Variants in HACD2 observed in about 807,000 individuals in gnomAD.
HACD2 encodes the protein very-long-chain (3R)-3-hydroxyacyl-CoA dehydratase 2.
A neutral mutation model predicts 31.0 loss-of-function variants in HACD2; 15 were observed. The observed-to-expected ratio is 0.48, with a 90% confidence interval of 0.32 to 0.75. The LOEUF (loss-of-function observed/expected upper bound fraction) is 0.75, where lower values mean the gene tolerates loss of function less well. HACD2 is among the 30% of genes least tolerant of loss of function. HACD2 has a pLI of 0.03. For missense variants in HACD2, 283 were observed against 313.0 expected, an observed-to-expected ratio of 0.90 and a Z score of 0.72; for synonymous variants, 115 against 122.2, an observed-to-expected ratio of 0.94 and a Z score of 0.39.
chr3:123,516,980 C>T (rs1436964838), intron 4 of HACD2, among the ~76,000 whole-genome samples: 1 of 152,228 alleles, frequency 6.6e-6, no homozygotes, highest in East Asian at 1.9e-4. Flanking sequence ...GTTACTTATC[C>T]TCTCTGATCC....
intron 4 of HACD2, among the ~76,000 whole-genome samples, chr3:123,515,753 T>C (rs2056126545): frequency 6.6e-6 from 1 of 151,968 alleles, no homozygotes; most frequent in Non-Finnish European, 1.5e-5. Flanking sequence ...ATGAGTATGT[T>C]GGGGTTTTTT....
At chr3:123,516,168 A>C (rs1284344010) in intron 4 of HACD2, among the ~76,000 whole-genome samples, 1 of 152,104 alleles carries the variant, frequency 6.6e-6, no homozygotes, top group Admixed American at 6.6e-5. Context: ...CTATTTTATG[A>C]AAAATGTGAG....
At chr3:123,535,875 T>G (rs2056419753) in intron 3 of HACD2, among the ~76,000 whole-genome samples, 1 of 152,192 alleles carries the variant, frequency 6.6e-6, no homozygotes, top group African/African-American at 2.4e-5. Flanking sequence ...TCATGTTGCT[T>G]AAGATTCAAG....
chr3:123,526,547 C>A (rs1333509530), intron 4 of HACD2, among the ~76,000 whole-genome samples: 3 of 147,548 alleles, frequency 2.0e-5, no homozygotes, highest in Admixed American at 2.0e-4. Context: ...TTTTTTTTGG[C>A]AGGTAAAGAA....
intron 3 of HACD2, among the ~76,000 whole-genome samples, chr3:123,552,771 G>A (rs2056633169): frequency 6.6e-6 from 1 of 151,882 alleles, no homozygotes; most frequent in Admixed American, 6.6e-5. Context: ...ACAAAAAATT[G>A]ATTAAATTCA....
At chr3:123,557,097 C>T (rs2056680501) in intron 3 of HACD2, among the ~76,000 whole-genome samples, 1 of 152,174 alleles carries the variant, frequency 6.6e-6, no homozygotes, top group African/African-American at 2.4e-5. Context: ...ACAGGGGTCC[C>T]CAGTCCCTGG....
intron 3 of HACD2, chr3:123,543,628 A>T: frequency 2.6e-6 from 1 of 391,476 alleles, no homozygotes; most frequent in South Asian, 1.9e-5. Flanking sequence ...ACTATAAAGG[A>T]TCACATAACA....
chr3:123,511,578 G>T (rs1006644105), intron 4 of HACD2, among the ~76,000 whole-genome samples: 1 of 152,072 alleles, frequency 6.6e-6, no homozygotes, highest in Non-Finnish European at 1.5e-5. Flanking sequence ...AGTAGAAGAG[G>T]TTCACCAAGA....
chr3:123,573,706 T>C (rs989117472), intron 2 of HACD2, among the ~76,000 whole-genome samples: 1 of 152,140 alleles, frequency 6.6e-6, no homozygotes, highest in Non-Finnish European at 1.5e-5. Context: ...GTTCAGAACA[T>C]AAACAAGCAA....
rs116678296 is a variant in HACD2 at position 123,493,822 on chromosome 3, T to G, written c.*1066A>C. 6.6e-6 allele frequency: 1 copy of G among 152,252 alleles called. No individual in the cohort carries two copies. Among genetic ancestry groups the G allele is most frequent in the African/African-American group, 2.4e-5 (1 of 41,468 alleles). The allele number at this position is 152,252 out of a possible 1,614,324, so 9.4% of individuals were successfully genotyped here. A position where few individuals can be genotyped will look rare whatever the true frequency, so the allele number is the denominator to read the frequency against. On this transcript the variant is annotated 3_prime_UTR_variant, in exon 7 of 7. Coordinates refer to ENST00000383657, the MANE Select transcript of HACD2 (RefSeq NM_198402.5). ...GAATGTTTTACTGACTATGGACTTA[T>G]AGCTTGGTGGAAATTAACATAGGAA...
intron 2 of HACD2, among the ~76,000 whole-genome samples, chr3:123,569,527 A>G (rs2056830162): frequency 6.6e-6 from 1 of 151,948 alleles, no homozygotes; most frequent in South Asian, 2.1e-4. Context: ...ACGCCTGGCT[A>G]ATTTTTGTAT....
At chr3:123,505,340 A>T (rs1195057479) in intron 4 of HACD2, among the ~76,000 whole-genome samples, 2 of 152,202 alleles carry the variant, frequency 1.3e-5, no homozygotes, top group Non-Finnish European at 2.9e-5. Context: ...GATGGTGATG[A>T]TGGTTGCACA....
At chr3:123,531,509 G>A (rs866973459) in intron 3 of HACD2, among the ~76,000 whole-genome samples, 1 of 151,884 alleles carries the variant, frequency 6.6e-6, no homozygotes, top group Non-Finnish European at 1.5e-5. Context: ...TGTTAGAGGC[G>A]GAGTTTCAGG....
chr3:123,581,018 C>T (rs1188050469), intron 2 of HACD2, among the ~76,000 whole-genome samples: 9 of 152,040 alleles, frequency 5.9e-5, no homozygotes, highest in Non-Finnish European at 8.8e-5. Flanking sequence ...GACGGGGTTT[C>T]ACTGTGTTAG....
chr3:123,545,377 G>C (rs954797009), intron 3 of HACD2, among the ~76,000 whole-genome samples: 7 of 151,474 alleles, frequency 4.6e-5, no homozygotes, highest in South Asian at 2.1e-4. Context: ...AGCTACTCAG[G>C]AGGCTGAGGT....
intron 4 of HACD2, among the ~76,000 whole-genome samples, chr3:123,503,955 GTCATTTACAT>G (rs1165096424): frequency 1.3e-5 from 2 of 152,204 alleles, no homozygotes; most frequent in Non-Finnish European, 2.9e-5. Context: ...GAAATAAGTA[GTCATTTACAT>G]ATCTATTAAC....
At chr3:123,572,092 A>G (rs1027106244) in intron 2 of HACD2, among the ~76,000 whole-genome samples, 3 of 152,158 alleles carry the variant, frequency 2.0e-5, no homozygotes, top group Admixed American at 1.3e-4. Flanking sequence ...TGCACTCTGA[A>G]GTGGTGAAGT....
intron 3 of HACD2, among the ~76,000 whole-genome samples, chr3:123,533,094 T>C (rs1377476085): frequency 1.3e-5 from 2 of 152,218 alleles, no homozygotes; most frequent in South Asian, 2.1e-4. Context: ...TGATATTTTG[T>C]GTATGAGCTA....
chr3:123,516,715 T>C (rs531123018), intron 4 of HACD2, among the ~76,000 whole-genome samples: 1 of 152,348 alleles, frequency 6.6e-6, no homozygotes, highest in South Asian at 2.1e-4. Context: ...AAAAGATATA[T>C]AAGCATGCAA....
Sources: allele counts gnomAD v4.1 joint callset (sites outside exome capture counted in the v4.1 genomes callset), GRCh38; gene constraint gnomAD v4.1.1; transcripts MANE v1.5; gene names NCBI Gene and HGNC (gene_info 2026-07-23, HGNC 2026-07-21).